Variants in DNAH6 observed in about 807,000 individuals in gnomAD.
DNAH6 encodes dynein axonemal heavy chain 6.
DNAH6 carries 340 observed loss-of-function variants against 491.4 expected under a neutral mutation model. The observed-to-expected ratio is 0.69, with a 90% confidence interval of 0.63 to 0.76. The LOEUF (loss-of-function observed/expected upper bound fraction) is 0.76. Ranked by LOEUF, DNAH6 falls within the 30% of genes least tolerant of loss-of-function variation. DNAH6 has a pLI of 0.00. For synonymous variants in DNAH6, 1,603 were observed against 1,686.1 expected (o/e 0.95, Z 1.21); for missense variants, 4,443 against 4,972.2 (o/e 0.89, Z 3.20).
rs183692664 is a variant in DNAH6, at chr2:84,780,702, A to C, written c.10704-791A>C. ...GGAAACACTGATTTTTTGAATTGCCAGAATTCTTTTGCTGATTCCTAATTA... is the reference window on the plus strand; with the variant it reads ...GGAAACACTGATTTTTTGAATTGCCCGAATTCTTTTGCTGATTCCTAATTA... On this transcript the variant is annotated intron_variant, in intron 64 of 76. Transcript: ENST00000389394. Among the ~76,000 whole-genome samples, 3 of 152,250 alleles carry C rather than the reference A, an allele frequency of 2.0e-5. No individual in the cohort carries two copies. The East Asian group carries it at 5.8e-4, about 29-fold the overall frequency.
chr2:84,786,802 C>T (rs1460068878), intron 67 of DNAH6, among the ~76,000 whole-genome samples: 3 of 152,126 alleles, frequency 2.0e-5, no homozygotes, highest in Non-Finnish European at 4.4e-5. Flanking sequence ...GCTCTCTCCA[C>T]CAGATGGATG....
chr2:84,703,943 A>G (rs1696187934), intron 50 of DNAH6, 124 bp from the exon 51 acceptor site: 4 of 713,382 alleles, frequency 5.6e-6, no homozygotes, highest in African/African-American at 5.4e-5. Context: ...AATGCAATCT[A>G]GCTAATTCCC....
At chr2:84,730,885 A>T (rs1573632270) in intron 61 of DNAH6, among the ~76,000 whole-genome samples, 1 of 152,212 alleles carries the variant, frequency 6.6e-6, no homozygotes, top group Non-Finnish European at 1.5e-5. Context: ...ATAAATGCCT[A>T]TGAACGTTAA....
chr2:84,663,747 C>T (rs60986614), intron 37 of DNAH6, among the ~76,000 whole-genome samples: 1,885 of 152,204 alleles, frequency 0.012, 37 homozygotes, highest in African/African-American at 0.042. Flanking sequence ...ATACAGAGAA[C>T]GCCACAAAGA....
intron 2 of DNAH6, among the ~76,000 whole-genome samples, chr2:84,518,427 A>T (rs542513516): frequency 6.6e-5 from 10 of 152,244 alleles, no homozygotes; most frequent in Non-Finnish European, 1.5e-4. Context: ...TTCAAAGTAC[A>T]TGCCTTTGTA....
chr2:84,679,247 T>G (rs765409031), intron 41 of DNAH6, among the ~76,000 whole-genome samples: 1 of 152,224 alleles, frequency 6.6e-6, no homozygotes, highest in Non-Finnish European at 1.5e-5. Context: ...CTTTCTTTGA[T>G]AGTCTGTTGC....
chr2:84,719,714 G>T (rs1014998616), intron 59 of DNAH6, among the ~76,000 whole-genome samples: 1 of 151,598 alleles, frequency 6.6e-6, no homozygotes, highest in Non-Finnish European at 1.5e-5. Context: ...TGTAGAGACA[G>T]TGTCTCACCA....
At chr2:84,700,945 T>C (rs1695845831) in intron 48 of DNAH6, among the ~76,000 whole-genome samples, 152 bp from the exon 49 acceptor site, 1 of 152,202 alleles carries the variant, frequency 6.6e-6, no homozygotes, top group African/African-American at 2.4e-5. Context: ...AGCCCTTCAG[T>C]TCATTAAGCA....
At chr2:84,760,700 C>T (rs187302876) in intron 63 of DNAH6, among the ~76,000 whole-genome samples, 2 of 152,232 alleles carry the variant, frequency 1.3e-5, no homozygotes, top group African/African-American at 2.4e-5. Flanking sequence ...CACATTTCCA[C>T]TCTTTGTGGG....
In DNAH6 at chr2:84,709,431, A is replaced by G; in HGVS notation, c.9137A>G (p.Tyr3046Cys). 1 of 1,551,690 alleles carries G rather than the reference A, an allele frequency of 6.4e-7. No homozygotes were observed. The change falls in exon 55 of 77, where the codon TAC becomes TGC. Residue 3046 changes from tyrosine (Y) to cysteine (C), a missense_variant. Transcript: ENST00000389394. ...CTCATTAACATTCTTGGAGATCCCT[A>G]CGAGATACGGCAGTGGAACACTGAT... ...FSLINILGDP[Y>C]EIRQWNTDGL...
rs758570843 is a variant in DNAH6, at chr2:84,805,649, C to T, written c.11482-16C>T. ...AATTTGAGTCTTCACTGTTCTGTCT[C>T]TTATTGCCATTACAGTACAAAGAGA... On this transcript the variant is annotated splice_polypyrimidine_tract_variant and intron_variant, in intron 70 of 76. Transcript: ENST00000389394. The T allele has an allele frequency of 6.5e-7, 1 of 1,542,016 alleles. No individual in the cohort carries two copies. The highest frequency in any genetic ancestry group is 1.4e-5 in the African/African-American group (1 of 72,668).
chr2:84,533,218 G>A (rs1677346481), intron 4 of DNAH6, among the ~76,000 whole-genome samples: 1 of 152,120 alleles, frequency 6.6e-6, no homozygotes, highest in Admixed American at 6.6e-5. Context: ...AGCATTGACA[G>A]AGAGTGAAAA....
At chr2:84,802,545 T>C (rs759828385) in intron 70 of DNAH6, among the ~76,000 whole-genome samples, 1 of 152,118 alleles carries the variant, frequency 6.6e-6, no homozygotes, top group Non-Finnish European at 1.5e-5. Flanking sequence ...AGCACTCAGA[T>C]TTATAAAATA....
At chr2:84,717,638 G>T (rs552702209) in intron 58 of DNAH6, among the ~76,000 whole-genome samples, 2 of 152,302 alleles carry the variant, frequency 1.3e-5, no homozygotes, top group East Asian at 3.9e-4. Flanking sequence ...GCATAGAGTA[G>T]TACTTAATAA....
chr2:84,621,293 G>T lies in DNAH6; in HGVS notation c.3895G>T (p.Ala1299Ser). Residue 1299 changes from alanine to serine, a missense_variant, in exon 25 of 77, where the codon GCC becomes TCC. By Grantham distance (99) the Ala-to-Ser change is moderately conservative. Transcript: ENST00000389394. ...FTSLRRLCKA[A>S]IADYQGKLRT... ...ATCTCTGCGTCGCCTGTGCAAAGCT[G>T]CCATCGCTGACTATCAGGGGAAACT... 4 of 1,551,612 alleles carry T rather than the reference G, an allele frequency of 2.6e-6. No individual in the cohort carries two copies. Among genetic ancestry groups the T allele is most frequent in the Non-Finnish European group, 3.5e-6 (4 of 1,146,902 alleles).
chr2:84,800,660 A>T (rs1229349616), intron 70 of DNAH6, among the ~76,000 whole-genome samples: 1 of 152,184 alleles, frequency 6.6e-6, no homozygotes, highest in Non-Finnish European at 1.5e-5. Flanking sequence ...TGAATTTCAG[A>T]GCTCAAAGTT....
chr2:84,521,265 A>G (rs893040209), intron 2 of DNAH6, among the ~76,000 whole-genome samples: 19 of 151,956 alleles, frequency 1.3e-4, no homozygotes, highest in Admixed American at 7.9e-4. Flanking sequence ...CGCTATGTCT[A>G]TGTCTTTTTT....
chr2:84,745,080 G>A lies in DNAH6; in HGVS notation c.10343G>A (p.Gly3448Glu). ...TATCTTTTTTAAATTGTATTTCCAG[G>A]ATCTTTTGAGACTTATATTAACCCA... The part of the protein sequence containing the change: ...ILSHPISIRL[G>E]SFETYINPQK... Residue 3448 changes from glycine (G) to glutamate (E), a missense_variant and splice_region_variant, in exon 63 of 77, where the codon GGA (glycine) becomes GAA (glutamate). Physicochemically the swap from Gly to Glu is moderately conservative, Grantham distance 98. Transcript: ENST00000389394. 2 of 1,477,658 alleles carry A rather than the reference G, an allele frequency of 1.4e-6. No homozygotes were observed. The highest frequency in any genetic ancestry group is 1.8e-6 in the Non-Finnish European group (2 of 1,106,934). 91.5% of individuals were successfully genotyped at this position (1,477,658 alleles called of 1,614,324 possible).
chr2:84,672,402 A>G lies in DNAH6; in HGVS notation c.6530A>G (p.Gln2177Arg), dbSNP rs1482574719. 1 of 1,551,628 alleles carries G rather than the reference A, an allele frequency of 6.4e-7. No homozygotes were observed. The highest frequency in any genetic ancestry group is 2.4e-5 in the East Asian group (1 of 40,922). Residue 2177 changes from glutamine (Q) to arginine (R), a missense_variant, in exon 40 of 77, where the codon CAG (glutamine) becomes CGG (arginine). Gln to Arg is a conservative substitution (Grantham distance 43). Around this residue, in one of 3 missense-constraint regions of DNAH6, gnomAD observed 2,977 missense variants for 3,296.6 expected, o/e 0.90. Transcript: ENST00000389394. ...CCCAGACTGGATCGCTATGGCTCTCAGCCTCCGATTGAATTACTTCGGCAG... is the reference window on the plus strand; with the variant it reads ...CCCAGACTGGATCGCTATGGCTCTCGGCCTCCGATTGAATTACTTCGGCAG... Reference protein sequence around the residue: ...NMPRLDRYGSQPPIELLRQYQ... With the variant: ...NMPRLDRYGSRPPIELLRQYQ...
Sources: gnomAD v4.1 joint callset for allele counts (sites outside exome capture counted in the v4.1 genomes callset) on GRCh38, gnomAD v4.1.1 for gene constraint, gnomAD v4.1.1 regional missense constraint, MANE v1.5 for transcripts, NCBI Gene and HGNC (gene_info 2026-07-23, HGNC 2026-07-21) for gene names.